The following SYNE1 variants were observed in gnomAD, a reference collection of about 807,000 sequenced individuals.
The protein encoded by SYNE1 is nesprin-1.
A neutral mutation model predicts 1,111.0 loss-of-function variants in SYNE1; 616 were observed. That is an observed-to-expected ratio of 0.55 (90% confidence interval 0.52 to 0.59). The LOEUF is 0.59. SYNE1 is among the 20% of genes least tolerant of loss of function. The pLI is 0.00. For missense variants in SYNE1, 10,006 were observed against 10,417.0 expected (o/e 0.96, Z 1.72); for synonymous variants, 3,855 against 3,825.8 (o/e 1.01, Z -0.28).
chr6:152,369,409 A>C, intron 60 of SYNE1, 62 bp downstream of exon 60: 1 of 1,611,314 alleles, frequency 6.2e-7, no homozygotes, highest in South Asian at 1.1e-5. Flanking sequence ...TGCATCTGTA[A>C]GGTCGACAGA....
chr6:152,301,490 G>A (rs1178608355), intron 92 of SYNE1, among the ~76,000 whole-genome samples: 3 of 152,144 alleles, frequency 2.0e-5, no homozygotes, highest in Non-Finnish European at 4.4e-5. Context: ...GCTAGTTAGC[G>A]TGGAGACCAC....
rs144274149 is a variant in SYNE1, at chr6:152,337,015, A to C, written c.12354T>G (p.Ile4118Met). 31 of 1,612,964 alleles carry C rather than the reference A, an allele frequency of 1.9e-5. No homozygotes were observed. The East Asian group carries it at 6.2e-4, about 32-fold the overall frequency. Residue 4118 changes from isoleucine (I) to methionine (M), a missense_variant and splice_region_variant, in exon 76 of 146, where the codon ATT becomes ATG. Transcript: ENST00000367255. ...AKDIQQTEQT[I>M]EQKLVQAQNL... is the part of the protein sequence containing the mutation. ...TCTGGGCCTGGACAAGCTTTTGTTC[A>C]ATCTTGAGAAAACACAGAGATAAAA...
chr6:152,132,161 A>T lies in SYNE1; in HGVS notation c.26055T>A (p.Ser8685Arg), dbSNP rs904941600. Residue 8685 changes from serine to arginine, a missense_variant, in exon 144 of 146, where the codon AGT (serine) becomes AGA (arginine). By Grantham distance (110) the Ser-to-Arg change is moderately radical (BLOSUM62 -1). Transcript: ENST00000367255. ...TTGGGGTGCTCCTTCCTGATGTGGG[A>T]CTCACAGACCCTGAGGTGTCCAGTT... ...ADELDTSGSV[S>R]PTSGRSTPNR... The T allele has an allele frequency of 1.2e-6, 2 of 1,613,978 alleles. No homozygotes were observed. Among genetic ancestry groups the T allele is most frequent in the African/African-American group, 2.7e-5 (2 of 74,882 alleles).
chr6:152,569,317 T>A (rs1418631042), intron 3 of SYNE1, among the ~76,000 whole-genome samples: 1 of 152,218 alleles, frequency 6.6e-6, no homozygotes, highest in African/African-American at 2.4e-5. Context: ...TTTAGTTTAA[T>A]CATCACCTTA....
chr6:152,415,115 G>A (rs966575058), intron 41 of SYNE1, among the ~76,000 whole-genome samples: 1 of 151,878 alleles, frequency 6.6e-6, no homozygotes, highest in African/African-American at 2.4e-5. Context: ...CTGTTTCTTT[G>A]CCCACTGAAA....
intron 18 of SYNE1, among the ~76,000 whole-genome samples, chr6:152,464,347 G>T (rs2098752406): frequency 6.6e-6 from 1 of 152,120 alleles, no homozygotes; most frequent in African/African-American, 2.4e-5. Flanking sequence ...TATATAAATA[G>T]ATTAGAACAC....
At chr6:152,489,547 T>G (rs564022772) in intron 11 of SYNE1, among the ~76,000 whole-genome samples, 4 of 150,608 alleles carry the variant, frequency 2.7e-5, no homozygotes, top group Admixed American at 6.6e-5. Context: ...CCCTTTCAAT[T>G]GTTTTGCTGA....
In SYNE1 at chr6:152,236,956, C is replaced by T. The variant is rs1348905768; in HGVS notation, c.20068-8G>A. 4 of 1,612,976 alleles carry T rather than the reference C, an allele frequency of 2.5e-6. No individual in the cohort carries two copies. The highest frequency in any genetic ancestry group is 1.3e-5 in the African/African-American group (1 of 74,884). ...ATCCAGATGGGACCACGTCTAGAAA[C>T]ACAACATGAGTCTGTGAGCTAAAAA... On this transcript the variant is annotated splice_polypyrimidine_tract_variant and splice_region_variant and intron_variant, in intron 108 of 145. Transcript: ENST00000367255.
intron 25 of SYNE1, among the ~76,000 whole-genome samples, chr6:152,453,172 G>T (rs773962916): frequency 1.8e-4 from 27 of 151,948 alleles, no homozygotes; most frequent in Non-Finnish European, 3.4e-4. Flanking sequence ...TATATTTTTT[G>T]ATCATAGCTA....
At chr6:152,635,573 A>G (rs1014307945) in intron 2 of SYNE1, among the ~76,000 whole-genome samples, 1 of 152,334 alleles carries the variant, frequency 6.6e-6, no homozygotes, top group Non-Finnish European at 1.5e-5. Flanking sequence ...ATGAAGATGT[A>G]GGTCATATTA....
chr6:152,406,004 A>C (rs544521248), intron 45 of SYNE1, among the ~76,000 whole-genome samples: 1 of 151,992 alleles, frequency 6.6e-6, no homozygotes, highest in East Asian at 1.9e-4. Context: ...ATATATTGTA[A>C]TATAAATAAT....
At position 152,344,021 on chromosome 6, in the gene SYNE1, A is replaced by G; in HGVS notation, c.12225+60T>C. The G allele has an allele frequency of 1.9e-6, 3 of 1,610,926 alleles. No homozygotes were observed. In the South Asian group the frequency reaches 3.3e-5, roughly 18 times the overall value. On this transcript the variant is annotated intron_variant, in intron 74 of 145. Coordinates refer to ENST00000367255, the MANE Select transcript of SYNE1 (RefSeq NM_182961.4). ...TTGGCACATCATAGGTACTTCACACATTTTCACTGACGCTCTGAATGATTC... is the reference window on the plus strand; with the variant it reads ...TTGGCACATCATAGGTACTTCACACGTTTTCACTGACGCTCTGAATGATTC...
chr6:152,154,200 A>C (rs1170226424), intron 133 of SYNE1, among the ~76,000 whole-genome samples: 2 of 152,152 alleles, frequency 1.3e-5, no homozygotes, highest in Non-Finnish European at 2.9e-5. Context: ...GGCAGCTGAG[A>C]AGTCAGAGCT....
intron 55 of SYNE1, among the ~76,000 whole-genome samples, chr6:152,384,317 C>G (rs2097484384): frequency 6.6e-6 from 1 of 152,064 alleles, no homozygotes; most frequent in African/African-American, 2.4e-5. Flanking sequence ...TTATAAAGAC[C>G]AGTTTGTGGA....
At chr6:152,355,761 C>T (rs988745755) in intron 66 of SYNE1, among the ~76,000 whole-genome samples, 5 of 152,046 alleles carry the variant, frequency 3.3e-5, no homozygotes, top group Admixed American at 6.6e-5. Flanking sequence ...TAAAATAAAT[C>T]AAGTCAAATC....
chr6:152,465,313 T>A lies in SYNE1; in HGVS notation c.1877A>T (p.Gln626Leu). The change falls in exon 18 of 146, where the codon CAA (glutamine) becomes CTA (leucine). Residue 626 changes from glutamine to leucine, a missense_variant. Around this residue, in one of 7 missense-constraint regions of SYNE1, gnomAD observed 1,971 missense variants for 2,084.1 expected, o/e 0.95. Transcript: ENST00000367255. Reference sequence around the variant, plus strand: ...TTTTTCAGCATCCTCTAGCCAGGCTTGCAGACTAGCCACTGTATTGCCATA... The same window carrying A: ...TTTTTCAGCATCCTCTAGCCAGGCTAGCAGACTAGCCACTGTATTGCCATA... ...DRYGNTVASLQAWLEDAEKML... is the reference protein window; with the variant it reads ...DRYGNTVASLLAWLEDAEKML... The A allele has an allele frequency of 6.2e-7, 1 of 1,613,854 alleles. No homozygotes were observed. The highest frequency in any genetic ancestry group is 8.5e-7 in the Non-Finnish European group (1 of 1,179,818).
chr6:152,424,470 G>A (rs1016312398), intron 39 of SYNE1, among the ~76,000 whole-genome samples: 25 of 152,108 alleles, frequency 1.6e-4, no homozygotes, highest in African/African-American at 4.3e-4. Flanking sequence ...AAATCTTTCC[G>A]TAAATTTCTG....
intron 5 of SYNE1, among the ~76,000 whole-genome samples, chr6:152,521,530 A>G (rs1175643037): frequency 6.6e-6 from 1 of 152,178 alleles, no homozygotes; most frequent in Non-Finnish European, 1.5e-5. Context: ...AGATACCTTA[A>G]ACATACTTTT....
chr6:152,618,158 T>C (rs2099666047), intron 3 of SYNE1, among the ~76,000 whole-genome samples: 1 of 152,186 alleles, frequency 6.6e-6, no homozygotes, highest in Non-Finnish European at 1.5e-5. Flanking sequence ...TCTGGATGTA[T>C]TGTAAGAATT....
Sources: gnomAD v4.1 joint callset for allele counts (sites outside exome capture counted in the v4.1 genomes callset) on GRCh38, gnomAD v4.1.1 for gene constraint, gnomAD v4.1.1 regional missense constraint, MANE v1.5 for transcripts, NCBI Gene and HGNC (gene_info 2026-07-23, HGNC 2026-07-21) for gene names.